SAMD15: variants seen among roughly 807,000 people sequenced by gnomAD.
The protein encoded by SAMD15 is sterile alpha motif domain containing 15.
SAMD15 carries 37 observed loss-of-function variants against 50.5 expected under a neutral mutation model. That is an observed-to-expected ratio of 0.73 (90% confidence interval 0.56 to 0.96). The LOEUF (loss-of-function observed/expected upper bound fraction) is 0.96, where lower values mean the gene tolerates loss of function less well. Among genes scored for constraint, SAMD15 ranks in the 40% least tolerant of loss-of-function variants. The pLI, the probability that SAMD15 is intolerant of heterozygous loss-of-function variation, is 0.00. For missense variants in SAMD15, 789 were observed against 783.8 expected, an observed-to-expected ratio of 1.01 and a Z score of -0.08; for synonymous variants, 255 against 282.8, an observed-to-expected ratio of 0.90 and a Z score of 0.99.
chr14:77,382,950 A>AGGT (rs35431125), intron 2 of SAMD15, among the ~76,000 whole-genome samples: 84,711 of 151,500 alleles, frequency 0.56, 26,160 homozygotes, highest in African/African-American at 0.83. Context: ...TCCTGACCTC[A>AGGT]GATCCACCCG....
Position 77,379,016 on chromosome 14 carries a change from A to G in SAMD15, c.1598A>G (p.Glu533Gly). Reference protein sequence around the residue: ...RVSEDDETQPEKGTELQFEHL... With the variant: ...RVSEDDETQPGKGTELQFEHL... The stretch of plus-strand genomic sequence containing the variant: ...TCTGAAGATGACGAAACCCAGCCAG[A>G]AAAAGGGACTGAGTTACAATTTGAG... Residue 533 changes from glutamate (E) to glycine (G), a missense_variant, in exon 1 of 3, where the codon GAA (glutamate) becomes GGA (glycine). This residue lies in a region of SAMD15 where 770 missense variants were observed against 745.4 expected (regional missense o/e 1.03). Coordinates refer to ENST00000216471, the MANE Select transcript of SAMD15 (RefSeq NM_001010860.4). 1.2e-6 allele frequency: 2 copies of G among 1,614,116 alleles called. No homozygotes were observed. The highest frequency in any genetic ancestry group is 1.3e-5 in the African/African-American group (1 of 75,062).
In SAMD15 at chr14:77,382,960, G is replaced by A. The variant is rs982257203; in HGVS notation, c.1788+2479G>A. ...CGACCTCCTGACCTCAGATCCACCC[G>A]CCTCAGCCTCCCAAAGTGCTGGGAT... On this transcript the variant is annotated intron_variant, in intron 2 of 2. Coordinates refer to ENST00000216471, the MANE Select transcript of SAMD15 (RefSeq NM_001010860.4). Among the ~76,000 whole-genome samples the A allele has an allele frequency of 4.6e-5, 7 of 151,964 alleles. No individual in the cohort carries two copies. In the East Asian group the frequency reaches 5.8e-4, roughly 13 times the overall value.
rs543451097 is a variant in SAMD15, at chr14:77,389,608, C to T, written c.1789-1400C>T. Among the ~76,000 whole-genome samples the T allele has an allele frequency of 1.4e-4, 21 of 147,684 alleles. No individual in the cohort carries two copies. The East Asian group carries it at 4.0e-3, about 28-fold the overall frequency. ...CTCCGCCTCCCAGGTTCAAGTGATTCTCCTGCCTCAGCCTCCCAAGTAGCT... is the reference window on the plus strand; with the variant it reads ...CTCCGCCTCCCAGGTTCAAGTGATTTTCCTGCCTCAGCCTCCCAAGTAGCT... On this transcript the variant is annotated intron_variant, in intron 2 of 2. Coordinates refer to ENST00000216471, the MANE Select transcript of SAMD15 (RefSeq NM_001010860.4).
intron 2 of SAMD15, among the ~76,000 whole-genome samples, chr14:77,383,977 CAAAAAAAAAA>C (rs71128618): frequency 3.4e-5 from 2 of 59,088 alleles, no homozygotes; most frequent in African/African-American, 1.4e-4. Context: ...GACTCAGTCT[CAAAAAAAAAA>C]AAAAAAAAAA....
At chr14:77,389,336 T>A (rs1165966569) in intron 2 of SAMD15, among the ~76,000 whole-genome samples, 6 of 149,312 alleles carry the variant, frequency 4.0e-5, no homozygotes, top group Admixed American at 3.3e-4. Flanking sequence ...AGCTTTAAAT[T>A]AAAAAAAAAA....
chr14:77,391,019 G>A lies in SAMD15; in HGVS notation c.1800G>A (p.Arg600=), dbSNP rs778321093. The change falls in exon 3 of 3, where the codon CGG becomes CGA. Residue 600 remains arginine (R), a synonymous_variant. Coordinates refer to ENST00000216471, the MANE Select transcript of SAMD15 (RefSeq NM_001010860.4). ...TCCTTGCGTTTCAGGCAATTTCTCG[G>A]CATACGCAGGAGCTCCTGGAAATTG... ...TNFEDMKAIS[R]HTQELLEIEE... is the part of the protein sequence containing the mutation. 2 of 1,607,540 alleles carry A rather than the reference G, an allele frequency of 1.2e-6. No individual in the cohort carries two copies. The highest frequency in any genetic ancestry group is 2.2e-5 in the South Asian group (2 of 89,856).
rs1893929141 is a variant in SAMD15, at chr14:77,380,307, C to T, written c.1690-76C>T. On this transcript the variant is annotated intron_variant, in intron 1 of 2. Coordinates refer to ENST00000216471, the MANE Select transcript of SAMD15 (RefSeq NM_001010860.4). ...GGGTAGAACAAACACGACTTCTTCC[C>T]TTCCTCCCCCTTCCCTCCCTTTCTT... is the stretch of plus-strand genomic sequence containing the variant. 4 of 905,396 alleles carry T rather than the reference C, an allele frequency of 4.4e-6. No individual in the cohort carries two copies. The East Asian group carries it at 9.8e-5, about 22-fold the overall frequency. The allele number at this position is 905,396 out of a possible 1,614,324, so 56.1% of individuals were successfully genotyped here.
chr14:77,389,952 T>C (rs535253693), intron 2 of SAMD15, among the ~76,000 whole-genome samples: 1 of 152,246 alleles, frequency 6.6e-6, no homozygotes, highest in South Asian at 2.1e-4. Flanking sequence ...ATGTCTGCTT[T>C]TTAGTGTTTG....
Position 77,377,701 on chromosome 14 carries a change from G to A in SAMD15, c.283G>A (p.Val95Ile). Residue 95 changes from valine to isoleucine, a missense_variant, in exon 1 of 3, where the codon GTA (valine) becomes ATA (isoleucine). Val to Ile is a conservative substitution (Grantham distance 29, BLOSUM62 3). Transcript: ENST00000216471. ...EGIAKESKRD[V>I]PSETEPGIHQ... Reference sequence around the variant, plus strand: ...AATTGCCAAGGAGTCCAAGAGAGACGTACCAAGCGAAACTGAACCAGGGAT... The same window carrying A: ...AATTGCCAAGGAGTCCAAGAGAGACATACCAAGCGAAACTGAACCAGGGAT... 6.2e-7 allele frequency: 1 copy of A among 1,614,174 alleles called. No individual in the cohort carries two copies. Among genetic ancestry groups the A allele is most frequent in the Non-Finnish European group, 8.5e-7 (1 of 1,180,032 alleles).
chr14:77,378,980 AGGAAC>A lies in SAMD15; in HGVS notation c.1565_1569del (p.Glu522GlyfsTer3). ...GTTGTAGATTTGTCCCAAGAGTTGA[AGGAAC>A]GGGTCTCTGAAGATGACGAAACCCA... is the stretch of plus-strand genomic sequence containing the variant. On this transcript the variant is annotated frameshift_variant, in exon 1 of 3. Coordinates refer to ENST00000216471, the MANE Select transcript of SAMD15 (RefSeq NM_001010860.4). LOFTEE classifies it high-confidence loss of function. 6.2e-7 allele frequency: 1 copy of A among 1,614,210 alleles called. No homozygotes were observed. Among genetic ancestry groups the A allele is most frequent in the South Asian group, 1.1e-5 (1 of 91,086 alleles).
chr14:77,387,804 C>T (rs1010256063), intron 2 of SAMD15, among the ~76,000 whole-genome samples: 1 of 151,692 alleles, frequency 6.6e-6, no homozygotes, highest in Non-Finnish European at 1.5e-5. Flanking sequence ...GTAATCTTAG[C>T]ATTTTGGAGG....
At chr14:77,386,113 C>T (rs1894003336) in intron 2 of SAMD15, among the ~76,000 whole-genome samples, 1 of 152,176 alleles carries the variant, frequency 6.6e-6, no homozygotes. Context: ...ACCTTGGCCT[C>T]TCAAAGTGCT....
intron 2 of SAMD15, among the ~76,000 whole-genome samples, chr14:77,390,494 A>G (rs1364306973): frequency 6.6e-6 from 1 of 152,168 alleles, no homozygotes; most frequent in African/African-American, 2.4e-5. Flanking sequence ...AATGTCTTAA[A>G]TGGTACTTTG....
At chr14:77,390,954 G>C (rs1337958169) in intron 2 of SAMD15, 54 bp from the exon 3 acceptor site, 2 of 1,046,328 alleles carry the variant, frequency 1.9e-6, no homozygotes, top group Non-Finnish European at 1.5e-6. Flanking sequence ...AACCTTCTTT[G>C]ATTTGGTTGT....
chr14:77,378,664 CAT>C lies in SAMD15; in HGVS notation c.1247_1248del (p.His416ArgfsTer15). On this transcript the variant is annotated frameshift_variant, in exon 1 of 3. Transcript: ENST00000216471. LOFTEE classifies it high-confidence loss of function. ...AGATGAAACCAAACCAAGGGAGACA[CAT>C]GTAGAATTTTCCAAGGAAGACAGGC... The part of the protein sequence containing the change: ...LPDETKPRET[H>X]VEFSKEDRPE... The C allele has an allele frequency of 2.5e-6, 4 of 1,614,024 alleles. No individual in the cohort carries two copies. Among genetic ancestry groups the C allele is most frequent in the Non-Finnish European group, 3.4e-6 (4 of 1,179,968 alleles).
At chr14:77,389,228 C>T (rs1320020479) in intron 2 of SAMD15, among the ~76,000 whole-genome samples, 1 of 152,096 alleles carries the variant, frequency 6.6e-6, no homozygotes. Flanking sequence ...AGAAACATGG[C>T]ATCTTGCCTA....
At position 77,378,011 on chromosome 14, in the gene SAMD15, G is replaced by C. The variant is rs1270743790; in HGVS notation, c.593G>C (p.Arg198Thr). ...CCGGGGGTTCCAGAGGAATCACTTA[G>C]AGTGCAACATGAAGAGACAGGTCTA... ...TEPGVPEESL[R>T]VQHEETGLEP... The change falls in exon 1 of 3, where the codon AGA (arginine) becomes ACA (threonine). Residue 198 changes from arginine (R) to threonine (T), a missense_variant. Coordinates refer to ENST00000216471, the MANE Select transcript of SAMD15 (RefSeq NM_001010860.4). 1 of 1,613,942 alleles carries C rather than the reference G, an allele frequency of 6.2e-7. No individual in the cohort carries two copies.
intron 1 of SAMD15, 32 bp from the exon 2 acceptor site, chr14:77,380,350 AT>A: frequency 1.5e-6 from 2 of 1,378,170 alleles, no homozygotes; most frequent in Non-Finnish European, 2.1e-6. Flanking sequence ...TTTGCAGTAC[AT>A]TTTTTAAGTG....
intron 2 of SAMD15, among the ~76,000 whole-genome samples, chr14:77,385,677 G>A (rs1893996853): frequency 6.6e-6 from 1 of 152,112 alleles, no homozygotes; most frequent in Non-Finnish European, 1.5e-5. Flanking sequence ...TTCAGTGTTT[G>A]TGTACAGCTG....
Sources: gnomAD v4.1 joint callset for allele counts (sites outside exome capture counted in the v4.1 genomes callset) on GRCh38, gnomAD v4.1.1 for gene constraint, gnomAD v4.1.1 regional missense constraint, MANE v1.5 for transcripts, NCBI Gene and HGNC (gene_info 2026-07-23, HGNC 2026-07-21) for gene names.